Variants in DNAH6 observed in about 807,000 individuals in gnomAD.
The protein encoded by DNAH6 is dynein axonemal heavy chain 6.
Under a neutral mutation model 491.4 loss-of-function variants are expected in DNAH6, and 340 were observed. The ratio of observed to expected loss-of-function variants is 0.69; its 90% CI spans 0.63 to 0.76. The LOEUF (loss-of-function observed/expected upper bound fraction) is 0.76. Among genes scored for constraint, DNAH6 ranks in the 30% least tolerant of loss-of-function variants. The pLI is 0.00. For synonymous variants in DNAH6, 1,603 were observed against 1,686.1 expected, an observed-to-expected ratio of 0.95 and a Z score of 1.21; for missense variants, 4,443 against 4,972.2, an observed-to-expected ratio of 0.89 and a Z score of 3.20.
intron 40 of DNAH6, among the ~76,000 whole-genome samples, chr2:84,675,325 T>A (rs1312937375): frequency 6.6e-6 from 1 of 152,166 alleles, no homozygotes; most frequent in Admixed American, 6.5e-5. Flanking sequence ...AGCCGTTGTT[T>A]ATTGGAACTG....
chr2:84,463,887 A>C, the DNAH6 span, among the ~76,000 whole-genome samples: 18 of 152,196 alleles, frequency 1.2e-4, no homozygotes, highest in African/African-American at 4.3e-4. Context: ...AAGGGAGAAG[A>C]GTTGACCAAG....
At chr2:84,715,306 C>G (rs1697415229) in intron 57 of DNAH6, among the ~76,000 whole-genome samples, 3 of 152,106 alleles carry the variant, frequency 2.0e-5, no homozygotes, top group African/African-American at 7.2e-5. Context: ...GCTGGCTCAC[C>G]TTTCCATTAA....
chr2:84,593,832 C>G (rs1405197656), intron 16 of DNAH6, 140 bp from the exon 17 acceptor site: 1 of 315,268 alleles, frequency 3.2e-6, no homozygotes, highest in African/African-American at 2.2e-5. Flanking sequence ...TCATCTGTTT[C>G]TAGTGCTCCT....
intron 33 of DNAH6, among the ~76,000 whole-genome samples, chr2:84,642,689 A>G (rs7606662): frequency 0.069 from 10,518 of 152,130 alleles, 1,211 homozygotes; most frequent in African/African-American, 0.24. Flanking sequence ...CCCACTTTCA[A>G]TTAACACTAT....
chr2:84,528,871 CAT>C, intron 3 of DNAH6, 31 bp from the exon 4 acceptor site: 1 of 859,400 alleles, frequency 1.2e-6, no homozygotes, highest in Non-Finnish European at 1.7e-6. Flanking sequence ...TGCAAAGACT[CAT>C]TTTTTTTTTT....
At chr2:84,714,382 C>CT (rs1697330231) in intron 57 of DNAH6, among the ~76,000 whole-genome samples, 1 of 152,122 alleles carries the variant, frequency 6.6e-6, no homozygotes, top group Non-Finnish European at 1.5e-5. Flanking sequence ...ATTACACAGC[C>CT]ACTGCCAGGG....
chr2:84,633,127 A>G (rs1006573240), intron 29 of DNAH6, among the ~76,000 whole-genome samples: 2 of 152,210 alleles, frequency 1.3e-5, no homozygotes, highest in Non-Finnish European at 2.9e-5. Flanking sequence ...GAGAAAGCCC[A>G]CATCGAATGC....
At chr2:84,552,503 C>T (rs1017393893) in intron 9 of DNAH6, among the ~76,000 whole-genome samples, 1 of 151,940 alleles carries the variant, frequency 6.6e-6, no homozygotes, top group Non-Finnish European at 1.5e-5. Context: ...CAGATTATGC[C>T]CTTTGCCCAT....
At position 84,619,857 on chromosome 2, in the gene DNAH6, G is replaced by T. The variant is rs1475281240; in HGVS notation, c.3745G>T (p.Val1249Phe). The T allele has an allele frequency of 6.4e-7, 1 of 1,551,204 alleles. No homozygotes were observed. Among genetic ancestry groups the T allele is most frequent in the Non-Finnish European group, 8.7e-7 (1 of 1,146,740 alleles). Residue 1249 changes from valine (V) to phenylalanine (F), a missense_variant, in exon 24 of 77, where the codon GTT becomes TTT. By Grantham distance (50) the Val-to-Phe change is conservative (BLOSUM62 -1). Around this residue, in one of 3 missense-constraint regions of DNAH6, gnomAD observed 2,977 missense variants for 3,296.6 expected, o/e 0.90. Coordinates refer to ENST00000389394, the MANE Select transcript of DNAH6 (RefSeq NM_001370.2). ...TGGTATTGATGGAGAACCAGAAAAGGTTTATACTAATGATATTTTAGCAAT... is the reference window on the plus strand; with the variant it reads ...TGGTATTGATGGAGAACCAGAAAAGTTTTATACTAATGATATTTTAGCAAT... ...IPGIDGEPEKVYTNDILAMLS... is the reference protein window; with the variant it reads ...IPGIDGEPEKFYTNDILAMLS...
chr2:84,715,742 C>A (rs1045142315), intron 58 of DNAH6, 115 bp downstream of exon 58: 2 of 962,972 alleles, frequency 2.1e-6, no homozygotes, highest in Non-Finnish European at 3.1e-6. Flanking sequence ...TACACATGAA[C>A]CCTTAATCAA....
intron 58 of DNAH6, among the ~76,000 whole-genome samples, chr2:84,716,610 G>A (rs879260103): frequency 1.3e-5 from 2 of 152,182 alleles, no homozygotes; most frequent in Admixed American, 1.3e-4. Flanking sequence ...TCCAATTAAA[G>A]TTTATTTCAA....
intron 70 of DNAH6, among the ~76,000 whole-genome samples, chr2:84,802,816 G>A (rs996960066): frequency 6.6e-6 from 1 of 152,008 alleles, no homozygotes; most frequent in African/African-American, 2.4e-5. Context: ...TGGTCATAAA[G>A]CAAGTCTCAA....
intron 68 of DNAH6, among the ~76,000 whole-genome samples, chr2:84,793,924 C>G (rs1182624109): frequency 6.6e-6 from 1 of 152,208 alleles, no homozygotes; most frequent in African/African-American, 2.4e-5. Flanking sequence ...ACCATCTCAG[C>G]TATACTACAA....
In DNAH6 at chr2:84,663,519, A is replaced by G. The variant is rs1468679605; in HGVS notation, c.6084+4350A>G. On this transcript the variant is annotated intron_variant, in intron 37 of 76. Transcript: ENST00000389394. ...TCAGAGATTGAAGATCAAATGAATG[A>G]AATGAAGTGAGAAGAGAAGTTTAGA... 2.0e-5 allele frequency among the ~76,000 whole-genome samples: 3 copies of G among 151,684 alleles called. No individual in the cohort carries two copies. The East Asian group carries it at 5.8e-4, about 29-fold the overall frequency.
the DNAH6 span, among the ~76,000 whole-genome samples, chr2:84,502,569 T>G: frequency 6.6e-6 from 1 of 152,204 alleles, no homozygotes; most frequent in Non-Finnish European, 1.5e-5. Flanking sequence ...TGATGTTTCT[T>G]TGTTGATTTT....
chr2:84,582,200 A>C (rs1683096522), intron 14 of DNAH6, among the ~76,000 whole-genome samples: 1 of 152,190 alleles, frequency 6.6e-6, no homozygotes, highest in African/African-American at 2.4e-5. Context: ...AGTTTGCAGG[A>C]ATATCTTTCA....
intron 10 of DNAH6, among the ~76,000 whole-genome samples, chr2:84,557,107 C>T (rs1473792029): frequency 6.6e-6 from 1 of 152,136 alleles, no homozygotes; most frequent in African/African-American, 2.4e-5. Flanking sequence ...ACTTTGAACC[C>T]TCCCTTTAAA....
intron 44 of DNAH6, among the ~76,000 whole-genome samples, chr2:84,687,007 T>C (rs1422728718): frequency 6.6e-6 from 1 of 152,238 alleles, no homozygotes; most frequent in Non-Finnish European, 1.5e-5. Flanking sequence ...CCCTTTATTG[T>C]ACTCTACATA....
At chr2:84,543,381 A>G (rs1443118255) in intron 4 of DNAH6, among the ~76,000 whole-genome samples, 1 of 152,170 alleles carries the variant, frequency 6.6e-6, no homozygotes, top group East Asian at 1.9e-4. Flanking sequence ...TTGTTTTACT[A>G]AGCTCTCCTA....
Sources: gnomAD v4.1 joint callset for allele counts (sites outside exome capture counted in the v4.1 genomes callset) on GRCh38, gnomAD v4.1.1 for gene constraint, gnomAD v4.1.1 regional missense constraint, MANE v1.5 for transcripts, NCBI Gene and HGNC (gene_info 2026-07-23, HGNC 2026-07-21) for gene names.